Variants in STAM observed in about 807,000 individuals in gnomAD.
STAM encodes the protein signal transducing adapter molecule 1.
A neutral mutation model predicts 63.4 loss-of-function variants in STAM; 16 were observed. The observed-to-expected ratio is 0.25, with a 90% CI of 0.17 to 0.38. The LOEUF is 0.38. Among genes scored for constraint, STAM ranks in the 10% least tolerant of loss-of-function variants. The pLI, the probability that STAM is intolerant of heterozygous loss-of-function variation, is 1.00. For synonymous variants in STAM, 238 were observed against 223.9 expected (o/e 1.06, Z -0.56); for missense variants, 636 against 657.1 (o/e 0.97, Z 0.35).
chr10:17,649,401 A>G (rs1157716780), intron 1 of STAM, among the ~76,000 whole-genome samples: 1 of 151,982 alleles, frequency 6.6e-6, no homozygotes, highest in African/African-American at 2.4e-5. Flanking sequence ...TTTAAAAAAA[A>G]AAAAAAAAGA....
intron 2 of STAM, among the ~76,000 whole-genome samples, chr10:17,669,846 C>A (rs555164764): frequency 6.6e-6 from 1 of 151,180 alleles, no homozygotes; most frequent in African/African-American, 2.4e-5. Flanking sequence ...TACAGGCACC[C>A]GCCCCTATGC....
At position 17,666,608 on chromosome 10, in the gene STAM, AG is replaced by A. The variant is rs1182097687; in HGVS notation, c.125+6062del. ...GAGACGGGGTTTCACCGTGTTAGCC[AG>A]GATGGTCTCGATATCCTGACCTTGT... is the stretch of plus-strand genomic sequence containing the variant. On this transcript the variant is annotated intron_variant, in intron 2 of 13. Transcript: ENST00000377524. 3.3e-5 allele frequency among the ~76,000 whole-genome samples: 5 copies of A among 152,138 alleles called. No homozygotes were observed. The East Asian group carries it at 9.7e-4, about 29-fold the overall frequency.
At position 17,705,639 on chromosome 10, in the gene STAM, C is replaced by T; in HGVS notation, c.1107C>T (p.Ser369=). The T allele has an allele frequency of 1.2e-6, 2 of 1,613,798 alleles. No homozygotes were observed. The highest frequency in any genetic ancestry group is 1.7e-6 in the Non-Finnish European group (2 of 1,179,870). Reference sequence around the variant, plus strand: ...ATGTGAAAGTGATGGAGGCCCTTTCCTTATATACCAAGTTAATGAACGAAG... The same window carrying T: ...ATGTGAAAGTGATGGAGGCCCTTTCTTTATATACCAAGTTAATGAACGAAG... The part of the protein sequence containing the change: ...ELNVKVMEAL[S]LYTKLMNEDP... Residue 369 remains serine (S), a synonymous_variant, in exon 12 of 14, where the codon TCC becomes TCT. Coordinates refer to ENST00000377524, the MANE Select transcript of STAM (RefSeq NM_003473.4).
intron 12 of STAM, among the ~76,000 whole-genome samples, chr10:17,708,090 C>G (rs1836380037): frequency 1.3e-5 from 2 of 152,236 alleles, no homozygotes; most frequent in Admixed American, 6.5e-5. Context: ...CGGGGTTTCA[C>G]TGTGTTAGCC....
chr10:17,712,659 AG>A (rs36086698), intron 13 of STAM, among the ~76,000 whole-genome samples: 1 of 152,198 alleles, frequency 6.6e-6, no homozygotes, highest in East Asian at 1.9e-4. Flanking sequence ...ATACAAATGT[AG>A]GGGGAATTCT....
chr10:17,708,361 ACTG>A (rs1554829608), intron 12 of STAM, among the ~76,000 whole-genome samples: 1 of 152,186 alleles, frequency 6.6e-6, no homozygotes, highest in Non-Finnish European at 1.5e-5. Flanking sequence ...TGTTCAATAA[ACTG>A]CAGTTTAGGA....
chr10:17,713,235 A>C (rs1554830261), intron 13 of STAM, among the ~76,000 whole-genome samples: 1 of 152,106 alleles, frequency 6.6e-6, no homozygotes, highest in East Asian at 1.9e-4. Context: ...GGTCCAGTGC[A>C]CAGTAGATGG....
At chr10:17,679,933 C>T (rs1439835434) in intron 2 of STAM, among the ~76,000 whole-genome samples, 1 of 151,166 alleles carries the variant, frequency 6.6e-6, no homozygotes, top group Non-Finnish European at 1.5e-5. Flanking sequence ...AGTAATGTTC[C>T]CTCTTTGTTT....
At chr10:17,685,678 G>A (rs1835265950) in intron 4 of STAM, among the ~76,000 whole-genome samples, 1 of 152,152 alleles carries the variant, frequency 6.6e-6, no homozygotes, top group Admixed American at 6.5e-5. Context: ...GAATGTTCAA[G>A]GCCCCAGTTT....
At chr10:17,698,634 G>A (rs1166981956) in intron 8 of STAM, among the ~76,000 whole-genome samples, 1 of 152,006 alleles carries the variant, frequency 6.6e-6, no homozygotes, top group African/African-American at 2.4e-5. Context: ...ATTTCACTTA[G>A]CCTGTCAAAG....
At chr10:17,663,834 A>T (rs575422896) in intron 2 of STAM, among the ~76,000 whole-genome samples, 34 of 152,202 alleles carry the variant, frequency 2.2e-4, no homozygotes, top group African/African-American at 7.9e-4. Flanking sequence ...TTTAACATAC[A>T]TCTCCAGTTG....
intron 1 of STAM, among the ~76,000 whole-genome samples, chr10:17,655,078 TCTC>T (rs1341859510): frequency 6.6e-6 from 1 of 152,212 alleles, no homozygotes; most frequent in Non-Finnish European, 1.5e-5. Context: ...CCTTCCTGAT[TCTC>T]CTCTTCTCTC....
chr10:17,655,654 TG>T (rs1220032489), intron 1 of STAM, among the ~76,000 whole-genome samples: 2 of 152,218 alleles, frequency 1.3e-5, no homozygotes, highest in East Asian at 3.9e-4. Context: ...TGTACTCTGT[TG>T]ATCTAGGCAA....
intron 4 of STAM, 86 bp downstream of exon 4, chr10:17,685,013 C>A: frequency 9.0e-7 from 1 of 1,111,032 alleles, no homozygotes; most frequent in Non-Finnish European, 1.3e-6. Context: ...GAGGACTATT[C>A]TGTGCTTTTT....
At chr10:17,678,586 T>C (rs1304938045) in intron 2 of STAM, among the ~76,000 whole-genome samples, 1 of 152,252 alleles carries the variant, frequency 6.6e-6, no homozygotes, top group Non-Finnish European at 1.5e-5. Context: ...GGTTCGTTTA[T>C]GTTGTAGCTT....
At chr10:17,695,414 T>C (rs1835715622) in intron 7 of STAM, among the ~76,000 whole-genome samples, 173 bp downstream of exon 7, 1 of 152,216 alleles carries the variant, frequency 6.6e-6, no homozygotes, top group Admixed American at 6.5e-5. Context: ...TCTTATTTTG[T>C]TGTTTAATTT....
intron 1 of STAM, among the ~76,000 whole-genome samples, chr10:17,649,126 G>T (rs1019955098): frequency 5.9e-5 from 9 of 152,200 alleles, no homozygotes; most frequent in African/African-American, 2.2e-4. Flanking sequence ...TTCTTGGGCT[G>T]AATGCAGTGG....
At chr10:17,658,189 T>A (rs1362233303) in intron 1 of STAM, among the ~76,000 whole-genome samples, 1 of 149,746 alleles carries the variant, frequency 6.7e-6, no homozygotes, top group African/African-American at 2.5e-5. Context: ...TTTTAAAATT[T>A]CTTTTAAGTT....
chr10:17,669,136 T>C (rs534281911), intron 2 of STAM, among the ~76,000 whole-genome samples: 1 of 152,354 alleles, frequency 6.6e-6, no homozygotes, highest in South Asian at 2.1e-4. Context: ...TCTAACTTTA[T>C]TCTTTTCTAT....
Sources: allele counts gnomAD v4.1 joint callset (sites outside exome capture counted in the v4.1 genomes callset), GRCh38; gene constraint gnomAD v4.1.1; transcripts MANE v1.5; gene names NCBI Gene and HGNC (gene_info 2026-07-23, HGNC 2026-07-21).